The following TRIO variants were observed in gnomAD, a reference collection of about 807,000 sequenced individuals.
TRIO encodes triple functional domain protein.
Under a neutral mutation model 351.9 loss-of-function variants are expected in TRIO, and 58 were observed. The ratio of observed to expected loss-of-function variants is 0.16; its 90% CI spans 0.13 to 0.21. The LOEUF (loss-of-function observed/expected upper bound fraction) is 0.21. TRIO is among the 10% of genes least tolerant of loss of function. The pLI is 1.00. For missense variants in TRIO, 3,201 were observed against 4,027.8 expected (o/e 0.79, Z 5.56); for synonymous variants, 1,758 against 1,595.7 (o/e 1.10, Z -2.42).
At chr5:14,171,783 TG>T (rs1321170387) in intron 1 of TRIO, among the ~76,000 whole-genome samples, 2 of 151,626 alleles carry the variant, frequency 1.3e-5, no homozygotes, top group Non-Finnish European at 2.9e-5. Context: ...AGGAGCGGGG[TG>T]GGGGGATGGT....
At chr5:14,203,895 C>T (rs896932385) in intron 1 of TRIO, among the ~76,000 whole-genome samples, 1 of 152,202 alleles carries the variant, frequency 6.6e-6, no homozygotes, top group East Asian at 1.9e-4. Flanking sequence ...AAAGTGAGCC[C>T]TTGTTAATTG....
chr5:14,217,366 C>T (rs1053284356), intron 1 of TRIO, among the ~76,000 whole-genome samples: 3 of 152,114 alleles, frequency 2.0e-5, no homozygotes, highest in Non-Finnish European at 4.4e-5. Context: ...CTTTCTGGGC[C>T]CCTTTCTTGC....
intron 53 of TRIO, among the ~76,000 whole-genome samples, chr5:14,500,732 CA>C (rs1382192311): frequency 6.6e-6 from 1 of 151,854 alleles, no homozygotes; most frequent in East Asian, 1.9e-4. Flanking sequence ...TACAAAAATA[CA>C]AAAAATTAGC....
chr5:14,274,495 T>G (rs2152272134), intron 2 of TRIO, among the ~76,000 whole-genome samples: 1 of 152,282 alleles, frequency 6.6e-6, no homozygotes, highest in East Asian at 1.9e-4. Context: ...TCATTGATGA[T>G]TATTGCTTAG....
At chr5:14,421,556 A>G (rs1750157459) in intron 34 of TRIO, among the ~76,000 whole-genome samples, 1 of 150,144 alleles carries the variant, frequency 6.7e-6, no homozygotes, top group Non-Finnish European at 1.5e-5. Flanking sequence ...GGGAGCAGAG[A>G]TCGCACCATT....
intron 31 of TRIO, among the ~76,000 whole-genome samples, chr5:14,401,417 C>T (rs1748057239): frequency 6.6e-6 from 1 of 152,204 alleles, no homozygotes; most frequent in Non-Finnish European, 1.5e-5. Flanking sequence ...TGATTGCGCA[C>T]TTGACCTGTT....
rs755840250 is a variant in TRIO at position 14,487,771 on chromosome 5, G to A, written c.7143G>A (p.Ala2381=). The A allele has an allele frequency of 2.2e-6, 3 of 1,358,846 alleles. No individual in the cohort carries two copies. Among genetic ancestry groups the A allele is most frequent in the Admixed American group, 3.6e-5 (1 of 27,776 alleles). 84.2% of individuals were successfully genotyped at this position (1,358,846 alleles called of 1,614,324 possible). A position where few individuals can be genotyped will look rare whatever the true frequency, so the allele number is the denominator to read the frequency against. The change falls in exon 48 of 57, where the codon GCG becomes GCA. Residue 2381 remains alanine, a synonymous_variant. Coordinates refer to ENST00000344204, the MANE Select transcript of TRIO (RefSeq NM_007118.4). The stretch of plus-strand genomic sequence containing the variant: ...GGCCCTCCCTGCCTCCCCCTGGCGC[G>A]GCCCCCGAGGCCGGCCCCAGCGCGC... The part of the protein sequence containing the change: ...TPGPSLPPPG[A]APEAGPSAPS...
At chr5:14,196,422 CAAAAAAAAAA>C (rs71597902) in intron 1 of TRIO, among the ~76,000 whole-genome samples, 5 of 101,692 alleles carry the variant, frequency 4.9e-5, no homozygotes, top group Non-Finnish European at 9.2e-5. Flanking sequence ...GACTCCGTCT[CAAAAAAAAAA>C]AAAAAAAAAG....
At chr5:14,300,491 G>C (rs1431694093) in intron 7 of TRIO, among the ~76,000 whole-genome samples, 1 of 152,168 alleles carries the variant, frequency 6.6e-6, no homozygotes, top group Non-Finnish European at 1.5e-5. Flanking sequence ...CTATCCACTC[G>C]GGTAGTGCTT....
intron 31 of TRIO, among the ~76,000 whole-genome samples, chr5:14,403,249 A>G (rs936783990): frequency 0.032 from 590 of 18,314 alleles, no homozygotes; most frequent in African/African-American, 0.037. Flanking sequence ...TGGTGAGGGT[A>G]CAGGTGGTGG....
intron 8 of TRIO, among the ~76,000 whole-genome samples, chr5:14,315,839 CTTTCA>C (rs1205952514): frequency 3.9e-5 from 6 of 152,204 alleles, no homozygotes; most frequent in East Asian, 1.9e-4. Flanking sequence ...AACCCGAATA[CTTTCA>C]TTTAATTGTA....
At chr5:14,223,749 C>T (rs1337442169) in intron 1 of TRIO, among the ~76,000 whole-genome samples, 5 of 152,162 alleles carry the variant, frequency 3.3e-5, no homozygotes, top group African/African-American at 7.2e-5. Flanking sequence ...TGAAGGTCAT[C>T]ATCTCCCTTT....
chr5:14,164,959 C>T (rs1446904603), intron 1 of TRIO, among the ~76,000 whole-genome samples: 3 of 152,212 alleles, frequency 2.0e-5, no homozygotes, highest in Non-Finnish European at 4.4e-5. Flanking sequence ...GGCCACAGAA[C>T]AGATGGCCCT....
intron 1 of TRIO, among the ~76,000 whole-genome samples, chr5:14,147,074 G>A (rs940667392): frequency 2.0e-5 from 3 of 152,156 alleles, no homozygotes; most frequent in African/African-American, 7.2e-5. Flanking sequence ...ATTTTCTGCA[G>A]GTGTTAGTGA....
chr5:14,498,626 G>A lies in TRIO; in HGVS notation c.8318G>A (p.Ser2773Asn). The change falls in exon 53 of 57, where the codon AGC becomes AAC. Residue 2773 changes from serine to asparagine, a missense_variant. Ser to Asn is a conservative substitution (Grantham distance 46). Coordinates refer to ENST00000344204, the MANE Select transcript of TRIO (RefSeq NM_007118.4). ...NDMGSASSSASLRVLGPGMDG... is the reference protein window; with the variant it reads ...NDMGSASSSANLRVLGPGMDG... ...ATGGGTTCAGCCTCATCGTCGGCCAGCCTGAGGGTCCTAGGTAAGCACCGT... is the reference window on the plus strand; with the variant it reads ...ATGGGTTCAGCCTCATCGTCGGCCAACCTGAGGGTCCTAGGTAAGCACCGT... The A allele has an allele frequency of 6.2e-7, 1 of 1,613,948 alleles. No homozygotes were observed. The highest frequency in any genetic ancestry group is 2.2e-5 in the East Asian group (1 of 44,870).
intron 33 of TRIO, among the ~76,000 whole-genome samples, chr5:14,417,472 GC>G: frequency 6.6e-6 from 1 of 152,362 alleles, no homozygotes; most frequent in Admixed American, 6.5e-5. Flanking sequence ...GCACAAGGGG[GC>G]AGCCCCAGAA....
chr5:14,353,194 A>G (rs937292590), intron 11 of TRIO, among the ~76,000 whole-genome samples: 8 of 152,188 alleles, frequency 5.3e-5, no homozygotes, highest in Middle Eastern at 3.4e-3. Context: ...TTTTCTTAGA[A>G]CAAAAACAGT....
At chr5:14,259,202 A>G (rs888595468) in intron 1 of TRIO, among the ~76,000 whole-genome samples, 1 of 152,254 alleles carries the variant, frequency 6.6e-6, no homozygotes, top group Admixed American at 6.5e-5. Flanking sequence ...ATATGTATAC[A>G]GATGCCAAGA....
intron 31 of TRIO, among the ~76,000 whole-genome samples, chr5:14,402,762 A>G (rs13356126): frequency 0.6 from 91,179 of 151,152 alleles, 29,021 homozygotes; most frequent in East Asian, 0.9. Flanking sequence ...TGGTGGTGGC[A>G]TAGACTTTGG....
Sources: gnomAD v4.1 joint callset for allele counts (sites outside exome capture counted in the v4.1 genomes callset) on GRCh38, gnomAD v4.1.1 for gene constraint, MANE v1.5 for transcripts, NCBI Gene and HGNC (gene_info 2026-07-23, HGNC 2026-07-21) for gene names.